The following SLC6A14 variants were observed in gnomAD, a reference collection of about 807,000 sequenced individuals.
The protein encoded by SLC6A14 is sodium- and chloride-dependent neutral and basic amino acid transporter B(0+).
Under a neutral mutation model 51.4 loss-of-function variants are expected in SLC6A14, and 21 were observed. The observed-to-expected ratio is 0.41, with a 90% confidence interval of 0.29 to 0.59. SLC6A14 has a LOEUF of 0.59. SLC6A14 is among the 20% of genes least tolerant of loss of function. The pLI is 0.31. For synonymous variants in SLC6A14, 177 were observed against 160.7 expected (o/e 1.10, Z -0.77); for missense variants, 371 against 472.8 (o/e 0.78, Z 2.00).
Position 116,451,617 on chromosome X carries a change from T to G in SLC6A14, c.1106T>G (p.Leu369Trp). Residue 369 changes from leucine (L) to tryptophan (W), a missense_variant, in exon 8 of 14, where the codon TTG becomes TGG. By Grantham distance (61) the Leu-to-Trp change is moderately conservative. Coordinates refer to ENST00000598581, the MANE Select transcript of SLC6A14 (RefSeq NM_007231.5). The part of the protein sequence containing the change: ...VFAGFAIFSI[L>W]GHMAHISGKE... ...GCTGGATTTGCTATTTTTTCTATATTGGGACACATGGCCCATATATCTGGA... is the reference window on the plus strand; with the variant it reads ...GCTGGATTTGCTATTTTTTCTATATGGGGACACATGGCCCATATATCTGGA... The G allele has an allele frequency of 8.3e-7, 1 of 1,209,011 alleles. No homozygotes were observed. The highest frequency in any genetic ancestry group is 1.1e-6 in the Non-Finnish European group (1 of 893,426).
intron 2 of SLC6A14, among the ~76,000 whole-genome samples, chrX:116,438,496 G>T (rs1569539557): frequency 8.9e-6 from 1 of 112,037 alleles, no homozygotes; most frequent in African/African-American, 3.2e-5. Context: ...ATTCCAAATT[G>T]GACTGACTAT....
intron 3 of SLC6A14, among the ~76,000 whole-genome samples, chrX:116,441,815 C>T (rs1556693696): frequency 9.0e-6 from 1 of 111,630 alleles, no homozygotes; most frequent in Non-Finnish European, 1.9e-5. Context: ...GTTAAGGAAA[C>T]TTTGGATATT....
chrX:116,457,663 C>T lies in SLC6A14; in HGVS notation c.1669C>T (p.Pro557Ser). Residue 557 changes from proline to serine, a missense_variant, in exon 13 of 14, where the codon CCA becomes TCA. By Grantham distance (74) the Pro-to-Ser change is moderately conservative. Transcript: ENST00000598581. ...TCATAGACCTAATTATGGCGCAATT[C>T]CATACCCTGACTGGGGAGTTGCTTT... is the stretch of plus-strand genomic sequence containing the variant. ...QFHRPNYGAIPYPDWGVALGW... is the reference protein window; with the variant it reads ...QFHRPNYGAISYPDWGVALGW... 8.3e-7 allele frequency: 1 copy of T among 1,207,481 alleles called. No individual in the cohort carries two copies. Among genetic ancestry groups the T allele is most frequent in the Non-Finnish European group, 1.1e-6 (1 of 891,941 alleles).
intron 6 of SLC6A14, among the ~76,000 whole-genome samples, chrX:116,445,932 A>G (rs782629990): frequency 1.8e-5 from 2 of 110,962 alleles, no homozygotes; most frequent in East Asian, 5.6e-4. Context: ...AATATCACAA[A>G]TCCAGGGAAA....
chrX:116,452,714 C>T (rs1262067955), intron 8 of SLC6A14, among the ~76,000 whole-genome samples: 1 of 111,046 alleles, frequency 9.0e-6, no homozygotes, highest in Admixed American at 9.6e-5. Flanking sequence ...CTTTGTCAAT[C>T]TTAAAAAATA....
intron 7 of SLC6A14, among the ~76,000 whole-genome samples, chrX:116,451,111 G>A (rs1927813994): frequency 9.0e-6 from 1 of 111,536 alleles, no homozygotes; most frequent in African/African-American, 3.3e-5. Context: ...ATAAAAAATG[G>A]CACGTTGTAT....
intron 2 of SLC6A14, among the ~76,000 whole-genome samples, chrX:116,438,291 A>G (rs1000955912): frequency 8.9e-6 from 1 of 111,986 alleles, no homozygotes. Context: ...TAATCTGTTC[A>G]AACTCAAGTT....
At chrX:116,454,832 A>C in intron 10 of SLC6A14, 145 bp from the exon 11 acceptor site, 3 of 457,709 alleles carry the variant, frequency 6.6e-6, no homozygotes, top group Non-Finnish European at 1.1e-5. Flanking sequence ...TTGAGTTTAC[A>C]TTTGAAACAT....
At chrX:116,453,566 A>G (rs1927865603) in intron 9 of SLC6A14, among the ~76,000 whole-genome samples, 1 of 111,449 alleles carries the variant, frequency 9.0e-6, no homozygotes, top group African/African-American at 3.2e-5. Flanking sequence ...TATGACTCTG[A>G]AAGTTGTTTT....
chrX:116,447,591 C>CTTTTT (rs782273399), intron 7 of SLC6A14, among the ~76,000 whole-genome samples: 5 of 91,939 alleles, frequency 5.4e-5, no homozygotes, highest in African/African-American at 8.1e-5. Flanking sequence ...GCTTTCACTT[C>CTTTTT]TTTTTTTTTT....
intron 7 of SLC6A14, among the ~76,000 whole-genome samples, chrX:116,447,284 T>C (rs1316326068): frequency 8.9e-6 from 1 of 112,184 alleles, no homozygotes; most frequent in Non-Finnish European, 1.9e-5. Flanking sequence ...AATAGTCTAA[T>C]ATACATTTTA....
intron 13 of SLC6A14, among the ~76,000 whole-genome samples, 183 bp from the exon 14 acceptor site, chrX:116,458,625 AC>A (rs1239300807): frequency 9.0e-6 from 1 of 111,676 alleles, no homozygotes; most frequent in Non-Finnish European, 1.9e-5. Flanking sequence ...ATTTGATTAT[AC>A]CTTTTTCTTG....
chrX:116,452,534 G>A (rs782286285), intron 8 of SLC6A14, among the ~76,000 whole-genome samples: 20 of 111,884 alleles, frequency 1.8e-4, no homozygotes, highest in African/African-American at 4.8e-4. Flanking sequence ...CATTACATAC[G>A]ATTTTGCATA....
In SLC6A14 at chrX:116,437,819, T is replaced by C. The variant is rs375266123; in HGVS notation, c.78T>C (p.His26=). The change falls in exon 2 of 14, where the codon CAT becomes CAC. Residue 26 remains histidine, a synonymous_variant. Coordinates refer to ENST00000598581, the MANE Select transcript of SLC6A14 (RefSeq NM_007231.5). ...TGTCGGCTTCATCAGAGAATTTCCATGTTGGTGAAAATGATGAGAATCAGG... is the reference window on the plus strand; with the variant it reads ...TGTCGGCTTCATCAGAGAATTTCCACGTTGGTGAAAATGATGAGAATCAGG... ...EKVSASSENF[H]VGENDENQDR... is the part of the protein sequence containing the mutation. The C allele has an allele frequency of 7.7e-5, 93 of 1,204,281 alleles. No individual in the cohort carries two copies. Among genetic ancestry groups the C allele is most frequent in the Admixed American group, 4.9e-4 (22 of 44,683 alleles).
At chrX:116,458,362 C>T (rs1927974148) in intron 13 of SLC6A14, among the ~76,000 whole-genome samples, 1 of 111,423 alleles carries the variant, frequency 9.0e-6, no homozygotes, top group Non-Finnish European at 1.9e-5. Context: ...GTCCATACAA[C>T]AATGGATCCA....
At chrX:116,445,077 G>A (rs782275122) in intron 6 of SLC6A14, 27 bp downstream of exon 6, 9 of 1,134,753 alleles carry the variant, frequency 7.9e-6, no homozygotes, top group South Asian at 4.5e-5. Flanking sequence ...ATTAGATAGC[G>A]ATATAGCAGC....
At chrX:116,442,218 C>A (rs193066892) in intron 3 of SLC6A14, among the ~76,000 whole-genome samples, 137 of 111,772 alleles carry the variant, frequency 1.2e-3, no homozygotes, top group African/African-American at 4.1e-3. Flanking sequence ...ACTCAGACAG[C>A]ATTAGCCCCT....
chrX:116,438,597 A>G (rs7066547), intron 2 of SLC6A14, among the ~76,000 whole-genome samples: 144 of 112,126 alleles, frequency 1.3e-3, no homozygotes, highest in African/African-American at 4.5e-3. Flanking sequence ...GTAGATCATT[A>G]GGGTAGACTC....
At position 116,446,727 on chromosome X, in the gene SLC6A14, A is replaced by G. The variant is rs782250545; in HGVS notation, c.790-14A>G. On this transcript the variant is annotated splice_polypyrimidine_tract_variant and intron_variant, in intron 6 of 13. Transcript: ENST00000598581. ...AAAAATAATTTACTAATTTTTGGTT[A>G]CTTTTCTTGGTAGGTGGTATATTTT... The G allele has an allele frequency of 8.4e-7, 1 of 1,185,245 alleles. No individual in the cohort carries two copies. The highest frequency in any genetic ancestry group is 1.8e-5 in the South Asian group (1 of 55,578).
Sources: allele counts gnomAD v4.1 joint callset (sites outside exome capture counted in the v4.1 genomes callset), GRCh38; gene constraint gnomAD v4.1.1; transcripts MANE v1.5; gene names NCBI Gene and HGNC (gene_info 2026-07-23, HGNC 2026-07-21).